BACH2: variants seen among roughly 807,000 people sequenced by gnomAD.
BACH2 encodes transcription regulator protein BACH2.
BACH2 carries 5 observed loss-of-function variants against 61.8 expected under a neutral mutation model. The ratio of observed to expected loss-of-function variants is 0.08; its 90% CI spans 0.04 to 0.17. The LOEUF (loss-of-function observed/expected upper bound fraction) is 0.17, where lower values mean the gene tolerates loss of function less well. Ranked by LOEUF, BACH2 falls within the 10% of genes least tolerant of loss-of-function variation. BACH2 has a pLI of 1.00. For synonymous variants in BACH2, 446 were observed against 440.1 expected, an observed-to-expected ratio of 1.01 and a Z score of -0.17; for missense variants, 824 against 1,091.1, an observed-to-expected ratio of 0.76 and a Z score of 3.45.
chr6:89,975,403 T>A (rs1775597396), intron 6 of BACH2, among the ~76,000 whole-genome samples: 1 of 152,232 alleles, frequency 6.6e-6, no homozygotes, highest in Admixed American at 6.5e-5. Flanking sequence ...TTTGTCTTTT[T>A]CCATTTTCTC....
chr6:90,108,746 C>T (rs910275840), intron 4 of BACH2, among the ~76,000 whole-genome samples: 1 of 152,186 alleles, frequency 6.6e-6, no homozygotes, highest in Non-Finnish European at 1.5e-5. Context: ...CAACCAACAA[C>T]CCAAATACAG....
intron 1 of BACH2, among the ~76,000 whole-genome samples, chr6:90,274,336 AAAAAC>A (rs1006965310): frequency 6.6e-5 from 10 of 152,336 alleles, no homozygotes; most frequent in Admixed American, 2.6e-4. Context: ...CACACACAAC[AAAAAC>A]AAAACAAAAC....
intron 5 of BACH2, among the ~76,000 whole-genome samples, chr6:90,070,961 T>C (rs1781196363): frequency 6.6e-6 from 1 of 152,180 alleles, no homozygotes; most frequent in Non-Finnish European, 1.5e-5. Flanking sequence ...GTTTGTTTGT[T>C]TTCCTTTTCT....
chr6:90,232,759 A>C (rs1219029368), intron 3 of BACH2, among the ~76,000 whole-genome samples: 1 of 152,176 alleles, frequency 6.6e-6, no homozygotes, highest in East Asian at 1.9e-4. Context: ...TTCCCATGAC[A>C]CTTCTCTTTC....
intron 5 of BACH2, among the ~76,000 whole-genome samples, chr6:90,074,419 A>G (rs541090487): frequency 6.6e-6 from 1 of 152,174 alleles, no homozygotes. Flanking sequence ...CTGGGAACTC[A>G]GGGACGATGG....
chr6:90,032,948 G>T (rs1779075403), intron 5 of BACH2, among the ~76,000 whole-genome samples: 1 of 152,064 alleles, frequency 6.6e-6, no homozygotes, highest in African/African-American at 2.4e-5. Context: ...CAAAGACTTG[G>T]AACCAACCCA....
chr6:89,977,734 G>T lies in BACH2; in HGVS notation c.244-25872C>A, dbSNP rs528112682. 6.6e-5 allele frequency among the ~76,000 whole-genome samples: 10 copies of T among 152,116 alleles called. 1 individual carries two copies. In the South Asian group the frequency reaches 1.9e-3, roughly 28 times the overall value. ...GAGATTATATTACAATTTATGTTAG[G>T]TTAAGTCATTGCTGAGATACAAGGC... On this transcript the variant is annotated intron_variant, in intron 6 of 8. Transcript: ENST00000257749.
chr6:90,046,683 G>A (rs1364981682), intron 5 of BACH2, among the ~76,000 whole-genome samples: 1 of 152,188 alleles, frequency 6.6e-6, no homozygotes, highest in Non-Finnish European at 1.5e-5. Flanking sequence ...GCACACTGGA[G>A]AGTTGATTCC....
intron 2 of BACH2, among the ~76,000 whole-genome samples, chr6:90,263,014 C>T (rs1275328392): frequency 6.6e-6 from 1 of 152,056 alleles, no homozygotes; most frequent in Admixed American, 6.6e-5. Context: ...TTAAAAGTCA[C>T]AGTTTGTAAA....
chr6:90,158,092 C>T (rs1582430939), intron 4 of BACH2, among the ~76,000 whole-genome samples: 2 of 151,950 alleles, frequency 1.3e-5, no homozygotes, highest in African/African-American at 4.8e-5. Flanking sequence ...AAAGGGAGCA[C>T]AAGCAGTGGC....
chr6:90,186,323 A>C (rs1020587946), intron 4 of BACH2, among the ~76,000 whole-genome samples: 19 of 152,186 alleles, frequency 1.2e-4, no homozygotes, highest in African/African-American at 4.3e-4. Flanking sequence ...TATCCAATGA[A>C]GCGGCTTCCA....
intron 3 of BACH2, among the ~76,000 whole-genome samples, chr6:90,207,816 T>G (rs1206712158): frequency 1.3e-5 from 2 of 152,218 alleles, no homozygotes; most frequent in Non-Finnish European, 2.9e-5. Context: ...GAGAATAACA[T>G]GTCTGCTAAC....
At chr6:90,102,465 C>A (rs1335037590) in intron 4 of BACH2, among the ~76,000 whole-genome samples, 1 of 152,134 alleles carries the variant, frequency 6.6e-6, no homozygotes, top group South Asian at 2.1e-4. Flanking sequence ...AAACCACATT[C>A]TAAAGGAGTT....
Position 90,279,522 on chromosome 6 carries a change from CA to C in BACH2, c.-445-7582del, listed in dbSNP as rs10637718. Reference sequence around the variant, plus strand: ...TGGGCGACAGAGCGAGACTCCGTCTCAAAAAAAAAAAAAAAAAGTCTACACT... The same window carrying C: ...TGGGCGACAGAGCGAGACTCCGTCTCAAAAAAAAAAAAAAAAGTCTACACT... On this transcript the variant is annotated intron_variant, in intron 1 of 8. Transcript: ENST00000257749. 8.7e-3 allele frequency among the ~76,000 whole-genome samples: 1,078 copies of C among 124,140 alleles called. 11 individuals carry two copies. Among genetic ancestry groups the C allele is most frequent in the Non-Finnish European group, 0.011 (663 of 59,136 alleles). 81.4% of individuals were successfully genotyped at this position (124,140 alleles called of 152,430 possible). A position where few individuals can be genotyped will look rare whatever the true frequency, so the allele number is the denominator to read the frequency against.
intron 5 of BACH2, among the ~76,000 whole-genome samples, chr6:90,012,859 G>C (rs1777802277): frequency 1.3e-5 from 2 of 151,910 alleles, no homozygotes. Context: ...GTAGAGACGG[G>C]TTTTGCCAGG....
chr6:89,942,993 T>C (rs1773524845), intron 7 of BACH2, among the ~76,000 whole-genome samples: 1 of 152,152 alleles, frequency 6.6e-6, no homozygotes, highest in Admixed American at 6.5e-5. Flanking sequence ...TTTTTTTCTT[T>C]TAAAGACAGG....
intron 4 of BACH2, among the ~76,000 whole-genome samples, chr6:90,169,921 G>C (rs1483285180): frequency 6.6e-6 from 1 of 152,122 alleles, no homozygotes; most frequent in African/African-American, 2.4e-5. Flanking sequence ...GTGGGAATTG[G>C]TGGGCAGAAA....
chr6:90,155,997 C>G (rs1481041930), intron 4 of BACH2, among the ~76,000 whole-genome samples: 1 of 151,732 alleles, frequency 6.6e-6, no homozygotes, highest in Admixed American at 6.6e-5. Context: ...ATTTTTTTTC[C>G]CCAATGGAAA....
intron 8 of BACH2, 44 bp from the exon 9 acceptor site, chr6:89,932,934 C>G (rs759888631): frequency 6.6e-7 from 1 of 1,519,618 alleles, no homozygotes; most frequent in Non-Finnish European, 8.8e-7. Context: ...CAAGCCTGAA[C>G]TGGAGGACAG....
Sources: gnomAD v4.1 joint callset for allele counts (sites outside exome capture counted in the v4.1 genomes callset) on GRCh38, gnomAD v4.1.1 for gene constraint, MANE v1.5 for transcripts, NCBI Gene and HGNC (gene_info 2026-07-23, HGNC 2026-07-21) for gene names.